CACNA2D1: variants seen among roughly 807,000 people sequenced by gnomAD.
CACNA2D1 encodes voltage-dependent calcium channel subunit alpha-2/delta-1.
In CACNA2D1, 53 loss-of-function variants were observed where a neutral mutation model predicts 171.5. The observed-to-expected ratio is 0.31, with a 90% CI of 0.25 to 0.39. CACNA2D1 has a LOEUF of 0.39. Among genes scored for constraint, CACNA2D1 ranks in the 10% least tolerant of loss-of-function variants. The pLI, the probability that CACNA2D1 is intolerant of heterozygous loss-of-function variation, is 1.00. For missense variants in CACNA2D1, 903 were observed against 1,299.8 expected (o/e 0.69, Z 4.69); for synonymous variants, 442 against 443.1 (o/e 1.00, Z 0.03).
At chr7:81,972,588 G>C (rs971971827) in intron 25 of CACNA2D1, among the ~76,000 whole-genome samples, 2 of 151,766 alleles carry the variant, frequency 1.3e-5, no homozygotes, top group African/African-American at 2.4e-5. Context: ...GTGCATATTA[G>C]CCCAAGTTTA....
At chr7:82,025,422 A>G (rs187952098) in intron 12 of CACNA2D1, among the ~76,000 whole-genome samples, 49 of 151,636 alleles carry the variant, frequency 3.2e-4, no homozygotes, top group African/African-American at 1.1e-3. Context: ...ATTGTAAATG[A>G]GATTGTTTTC....
chr7:82,124,891 T>TA (rs1161802363), intron 5 of CACNA2D1, among the ~76,000 whole-genome samples: 2 of 152,048 alleles, frequency 1.3e-5, no homozygotes, highest in East Asian at 3.9e-4. Flanking sequence ...AAGACAGCTT[T>TA]TTAAAAAAAA....
intron 12 of CACNA2D1, among the ~76,000 whole-genome samples, chr7:82,023,325 A>C (rs1801479216): frequency 6.6e-6 from 1 of 152,044 alleles, no homozygotes; most frequent in African/African-American, 2.4e-5. Context: ...ATAATCAGGT[A>C]GATTAATTCC....
At chr7:82,344,086 T>C (rs1033711607) in intron 2 of CACNA2D1, among the ~76,000 whole-genome samples, 3 of 152,218 alleles carry the variant, frequency 2.0e-5, no homozygotes, top group Admixed American at 1.3e-4. Context: ...ACAATTGACA[T>C]TTTACAGATA....
rs1822068230 is a variant in CACNA2D1 at position 82,369,114 on chromosome 7, T to A, written c.96-19465A>T. ...AATTTAATAGTTTCTTCTCTGTAAA[T>A]CCCTTTAGGATGCTATAAAATTTAC... On this transcript the variant is annotated intron_variant, in intron 1 of 38. Transcript: ENST00000356860. Among the ~76,000 whole-genome samples, 6 of 152,214 alleles carry A rather than the reference T, an allele frequency of 3.9e-5. No homozygotes were observed. The South Asian group carries it at 1.2e-3, about 32-fold the overall frequency.
At chr7:82,227,894 T>A (rs948481688) in intron 3 of CACNA2D1, among the ~76,000 whole-genome samples, 5 of 152,162 alleles carry the variant, frequency 3.3e-5, no homozygotes, top group African/African-American at 1.2e-4. Context: ...TAGGTCAGAT[T>A]GTTTGCCTCT....
chr7:82,141,651 G>A (rs887053168), intron 4 of CACNA2D1, among the ~76,000 whole-genome samples: 4 of 152,176 alleles, frequency 2.6e-5, no homozygotes, highest in Non-Finnish European at 5.9e-5. Context: ...CCTACAACTC[G>A]TCTGTGGCAA....
chr7:82,435,433 C>T (rs1313248798), intron 1 of CACNA2D1, among the ~76,000 whole-genome samples: 1 of 152,172 alleles, frequency 6.6e-6, no homozygotes, highest in South Asian at 2.1e-4. Flanking sequence ...CAACATCAAC[C>T]TGCATTCCTC....
chr7:82,028,682 C>T (rs1802266300), intron 12 of CACNA2D1: 1 of 151,712 alleles, frequency 6.6e-6, no homozygotes, highest in Non-Finnish European at 1.5e-5. Flanking sequence ...GATTTCAACC[C>T]TTGTGGATGG....
chr7:82,436,450 T>C (rs1830124709), intron 1 of CACNA2D1, among the ~76,000 whole-genome samples: 1 of 152,156 alleles, frequency 6.6e-6, no homozygotes, highest in African/African-American at 2.4e-5. Flanking sequence ...TCATAAAAAC[T>C]AAGAATTTTT....
intron 4 of CACNA2D1, among the ~76,000 whole-genome samples, chr7:82,146,351 G>GATATAT (rs141319970): frequency 2.8e-4 from 35 of 123,404 alleles, no homozygotes; most frequent in East Asian, 1.4e-3. Context: ...TAGAAGAAAT[G>GATATAT]ATATATATAT....
intron 5 of CACNA2D1, among the ~76,000 whole-genome samples, chr7:82,127,971 T>A (rs572070184): frequency 6.6e-6 from 1 of 152,320 alleles, no homozygotes; most frequent in East Asian, 1.9e-4. Flanking sequence ...TCACCCTGGC[T>A]GGAGTGCAGT....
At chr7:82,381,252 T>TG (rs1284393485) in intron 1 of CACNA2D1, among the ~76,000 whole-genome samples, 3 of 148,242 alleles carry the variant, frequency 2.0e-5, no homozygotes, top group South Asian at 4.3e-4. Flanking sequence ...AGGCGGAGCT[T>TG]GCAGTGAGCT....
At chr7:82,050,767 T>C in intron 10 of CACNA2D1, 1 of 637,200 alleles carries the variant, frequency 1.6e-6, no homozygotes, top group Non-Finnish European at 2.8e-6. Flanking sequence ...ATCATCATAA[T>C]ACATGATTAC....
chr7:81,953,160 C>T (rs977863335), intron 38 of CACNA2D1, among the ~76,000 whole-genome samples: 2 of 152,066 alleles, frequency 1.3e-5, no homozygotes, highest in Admixed American at 1.3e-4. Flanking sequence ...TACTGCAGGT[C>T]CAAGTCACCA....
intron 6 of CACNA2D1, among the ~76,000 whole-genome samples, chr7:82,108,051 G>A (rs1338651303): frequency 6.6e-6 from 1 of 152,108 alleles, no homozygotes. Context: ...AACAAACCAC[G>A]TCACATTTGT....
At chr7:82,320,026 T>C (rs1318496625) in intron 3 of CACNA2D1, among the ~76,000 whole-genome samples, 1 of 151,786 alleles carries the variant, frequency 6.6e-6, no homozygotes, top group Admixed American at 6.6e-5. Context: ...AGATAGAGCA[T>C]ATGAGCTGGT....
At chr7:82,369,872 T>C (rs533921598) in intron 1 of CACNA2D1, among the ~76,000 whole-genome samples, 19 of 152,216 alleles carry the variant, frequency 1.2e-4, no homozygotes, top group Middle Eastern at 3.4e-3. Context: ...GCCTGGAAGA[T>C]ACTAAATAAA....
At chr7:82,012,520 G>T (rs1022218490) in intron 14 of CACNA2D1, among the ~76,000 whole-genome samples, 1 of 151,964 alleles carries the variant, frequency 6.6e-6, no homozygotes, top group Non-Finnish European at 1.5e-5. Flanking sequence ...CTGTGTTACA[G>T]CCAGTAAGTG....
Sources: gnomAD v4.1 joint callset for allele counts (sites outside exome capture counted in the v4.1 genomes callset) on GRCh38, gnomAD v4.1.1 for gene constraint, MANE v1.5 for transcripts, NCBI Gene and HGNC (gene_info 2026-07-23, HGNC 2026-07-21) for gene names.